The following PER2 variants were observed in gnomAD, a reference collection of about 807,000 sequenced individuals.
The protein encoded by PER2 is period circadian regulator 2.
Under a neutral mutation model 121.0 loss-of-function variants are expected in PER2, and 66 were observed. That is an observed-to-expected ratio of 0.55 (90% CI 0.45 to 0.67). PER2 has a LOEUF of 0.67. Ranked by LOEUF, PER2 falls within the 30% of genes least tolerant of loss-of-function variation. The probability of loss-of-function intolerance (pLI) is 0.00; values close to 1 mark genes in which losing one functional copy is unlikely to be tolerated. For synonymous variants in PER2, 684 were observed against 659.9 expected, an observed-to-expected ratio of 1.04 and a Z score of -0.56; for missense variants, 1,521 against 1,635.0, an observed-to-expected ratio of 0.93 and a Z score of 1.20.
chr2:238,262,739 C>T (rs1470487666), intron 10 of PER2, among the ~76,000 whole-genome samples: 2 of 152,182 alleles, frequency 1.3e-5, no homozygotes, highest in Non-Finnish European at 2.9e-5. Context: ...TGAGAAACAA[C>T]TGGCCACAAA....
upstream of PER2, among the ~76,000 whole-genome samples, chr2:238,291,031 C>A (rs756795036): frequency 3.3e-5 from 5 of 152,244 alleles, no homozygotes; most frequent in Non-Finnish European, 1.5e-5. Flanking sequence ...GAACCCTTTC[C>A]TAGCCAGCCC....
rs1449721539 is a variant in PER2, at chr2:238,244,285, T to A, written c.*2090A>T. ...AAATAGAGAAAAACTGTTTAACACC[T>A]GTGTAAGCACACACACTAAAGAAAA... On this transcript the variant is annotated 3_prime_UTR_variant, in exon 23 of 23. Coordinates refer to ENST00000254657, the MANE Select transcript of PER2 (RefSeq NM_022817.3). 1 of 152,616 alleles carries A rather than the reference T, an allele frequency of 6.6e-6. No homozygotes were observed. Among genetic ancestry groups the A allele is most frequent in the Non-Finnish European group, 1.5e-5 (1 of 68,052 alleles). The allele number at this position is 152,616 out of a possible 1,614,324, so 9.5% of individuals were successfully genotyped here.
the PER2 span, among the ~76,000 whole-genome samples, chr2:238,297,509 C>T: frequency 2.0e-5 from 3 of 152,214 alleles, no homozygotes; most frequent in East Asian, 5.8e-4. Flanking sequence ...CGCTAGGGTC[C>T]ACCCTGTGAG....
Position 238,250,761 on chromosome 2 carries a change from G to A in PER2, c.3275-18C>T, listed in dbSNP as rs375565495. ...ACTACTGCCTTTAAAAACAAAAAAC[G>A]TGGTGCGTCAAAACATTGACATATG... On this transcript the variant is annotated intron_variant, in intron 20 of 22. Transcript: ENST00000254657. 9 of 1,574,482 alleles carry A rather than the reference G, an allele frequency of 5.7e-6. No individual in the cohort carries two copies. Among genetic ancestry groups the A allele is most frequent in the South Asian group, 2.2e-5 (2 of 90,168 alleles).
At chr2:238,290,931 C>G (rs75662135), upstream of PER2, among the ~76,000 whole-genome samples, 1 of 152,192 alleles carries the variant, frequency 6.6e-6, no homozygotes, top group Non-Finnish European at 1.5e-5. Context: ...ACAATCAGGC[C>G]AAGTGCATGG....
Position 238,249,871 on chromosome 2 carries a change from G to A in PER2, c.3468-659C>T, listed in dbSNP as rs147840731. Among the ~76,000 whole-genome samples the A allele has an allele frequency of 2.6e-5, 4 of 152,326 alleles. No individual in the cohort carries two copies. In the East Asian group the frequency reaches 7.7e-4, roughly 29 times the overall value. ...GCTTGCTTCTCCTCCCTTCCACCATGACTGTAAGTTTCCTGAGGCTTCCCT... is the reference window on the plus strand; with the variant it reads ...GCTTGCTTCTCCTCCCTTCCACCATAACTGTAAGTTTCCTGAGGCTTCCCT... On this transcript the variant is annotated intron_variant, in intron 21 of 22. Transcript: ENST00000254657.
At chr2:238,284,192 C>T (rs955876050) in intron 1 of PER2, among the ~76,000 whole-genome samples, 1 of 152,010 alleles carries the variant, frequency 6.6e-6, no homozygotes, top group African/African-American at 2.4e-5. Flanking sequence ...ACCTGTAATC[C>T]CAGCATTTTG....
At chr2:238,277,561 C>A in intron 2 of PER2, 146 bp downstream of exon 2, 1 of 961,708 alleles carries the variant, frequency 1.0e-6, no homozygotes. Context: ...GAAGGACAGA[C>A]ACTGGCACAT....
chr2:238,262,870 T>A lies in PER2; in HGVS notation c.1153+82A>T. ...CTTAGCTGATCTGACCTGTCAGAGCTAGACTGGTCCCAAGAAGCAGCCCCA... is the reference window on the plus strand; with the variant it reads ...CTTAGCTGATCTGACCTGTCAGAGCAAGACTGGTCCCAAGAAGCAGCCCCA... On this transcript the variant is annotated intron_variant, in intron 10 of 22. Coordinates refer to ENST00000254657, the MANE Select transcript of PER2 (RefSeq NM_022817.3). 3.2e-6 allele frequency: 3 copies of A among 930,076 alleles called. 1 individual carries two copies. The South Asian group carries it at 4.1e-5, about 13-fold the overall frequency. 57.6% of individuals were successfully genotyped at this position (930,076 alleles called of 1,614,324 possible). A position where few individuals can be genotyped will look rare whatever the true frequency, so the allele number is the denominator to read the frequency against.
intron 22 of PER2, among the ~76,000 whole-genome samples, chr2:238,248,245 G>C (rs1259416257): frequency 6.6e-6 from 1 of 152,218 alleles, no homozygotes; most frequent in Non-Finnish European, 1.5e-5. Context: ...ATGGTCCCTG[G>C]GACGAGGACT....
At chr2:238,284,951 T>G (rs904450382) in intron 1 of PER2, among the ~76,000 whole-genome samples, 1 of 143,042 alleles carries the variant, frequency 7.0e-6, no homozygotes, top group East Asian at 2.2e-4. Context: ...TGTGTGCCCA[T>G]AGCCAGCTGG....
chr2:238,252,961 T>A lies in PER2; in HGVS notation c.3062A>T (p.Asp1021Val). 6.2e-7 allele frequency: 1 copy of A among 1,613,788 alleles called. No individual in the cohort carries two copies. ...GTCCCGAGAAGTGCCAGGTTTGCAGTCCGCCCCTACAGCTGCTGTCTCTGT... is the reference window on the plus strand; with the variant it reads ...GTCCCGAGAAGTGCCAGGTTTGCAGACCGCCCCTACAGCTGCTGTCTCTGT... ...GATETAAVGADCKPGTSRDQQ... is the reference protein window; with the variant it reads ...GATETAAVGAVCKPGTSRDQQ... Residue 1021 changes from aspartate (D) to valine (V), a missense_variant, in exon 19 of 23, where the codon GAC becomes GTC. Coordinates refer to ENST00000254657, the MANE Select transcript of PER2 (RefSeq NM_022817.3). The surrounding 1 kb of genome is among the most constrained non-coding windows in gnomAD (Gnocchi z 4.2).
At chr2:238,257,273 T>G (rs1004531704) in intron 16 of PER2, among the ~76,000 whole-genome samples, 187 bp from the exon 17 acceptor site, 1 of 152,144 alleles carries the variant, frequency 6.6e-6, no homozygotes, top group African/African-American at 2.4e-5. Context: ...CATAGAAGAA[T>G]AGTGGAAAAG....
In PER2 at chr2:238,249,075, G is replaced by A. The variant is rs761159853; in HGVS notation, c.3605C>T (p.Ala1202Val). 15 of 1,614,114 alleles carry A rather than the reference G, an allele frequency of 9.3e-6. No homozygotes were observed. Among genetic ancestry groups the A allele is most frequent in the Non-Finnish European group, 1.2e-5 (14 of 1,180,020 alleles). ...CCGTGAGCTTACTGCCACGTCGATG[G>A]CTGCGGGCAGGCCGCCCGTCTGCAT... ...QWMQTGGLPA[A>V]IDVAECVYCE... Residue 1202 changes from alanine to valine, a missense_variant, in exon 22 of 23, where the codon GCC (alanine) becomes GTC (valine). Coordinates refer to ENST00000254657, the MANE Select transcript of PER2 (RefSeq NM_022817.3).
rs773132287 is a variant in PER2 at position 238,253,821 on chromosome 2, C to T, written c.2321-119G>A. On this transcript the variant is annotated intron_variant, in intron 18 of 22. Coordinates refer to ENST00000254657, the MANE Select transcript of PER2 (RefSeq NM_022817.3). This position sits in a 1 kb window ranked among gnomAD's most constrained non-coding sequence, Gnocchi z 5.6. ...CCCAGGGCCTGCCTGGTCCACCGAG[C>T]GGTTTTCCCTGATCCTCAGTGAAGT... 30 of 783,128 alleles carry T rather than the reference C, an allele frequency of 3.8e-5. No homozygotes were observed. The highest frequency in any genetic ancestry group is 5.1e-5 in the Non-Finnish European group (24 of 466,338). The allele number at this position is 783,128 out of a possible 1,614,324, so 48.5% of individuals were successfully genotyped here.
At chr2:238,259,399 C>T (rs961100921) in intron 14 of PER2, among the ~76,000 whole-genome samples, 1 of 152,214 alleles carries the variant, frequency 6.6e-6, no homozygotes, top group Non-Finnish European at 1.5e-5. Flanking sequence ...AATCTGAACC[C>T]GCGCATGACA....
chr2:238,285,255 G>A lies in PER2; in HGVS notation c.-20+3094C>T, dbSNP rs188792945. Among the ~76,000 whole-genome samples the A allele has an allele frequency of 3.4e-3, 524 of 152,176 alleles. 1 individual carries two copies. Among genetic ancestry groups the A allele is most frequent in the Middle Eastern group, 0.034 (10 of 294 alleles). On this transcript the variant is annotated intron_variant, in intron 1 of 22. Coordinates refer to ENST00000254657, the MANE Select transcript of PER2 (RefSeq NM_022817.3). Reference sequence around the variant, plus strand: ...TCACCTGGCCACATTTTTGGTAGCTGGGTTGCCTCAACTTGACAGAGCACC... The same window carrying A: ...TCACCTGGCCACATTTTTGGTAGCTAGGTTGCCTCAACTTGACAGAGCACC...
intron 1 of PER2, among the ~76,000 whole-genome samples, chr2:238,285,421 C>G (rs138296302): frequency 3.9e-5 from 6 of 152,286 alleles, no homozygotes; most frequent in Non-Finnish European, 5.9e-5. Context: ...CCTATCCTCC[C>G]CACTTTCAGA....
intron 8 of PER2, 132 bp downstream of exon 8, chr2:238,267,924 G>A: frequency 1.0e-6 from 1 of 953,482 alleles, no homozygotes; most frequent in Non-Finnish European, 1.6e-6. Flanking sequence ...CCCTGCCCAA[G>A]GTGAGGTGGA....
Sources: allele counts gnomAD v4.1 joint callset (sites outside exome capture counted in the v4.1 genomes callset), GRCh38; gene constraint gnomAD v4.1.1; non-coding constraint Gnocchi (gnomAD v3.1); transcripts MANE v1.5; gene names NCBI Gene and HGNC (gene_info 2026-07-23, HGNC 2026-07-21).